Variants in TBC1D1 observed in about 807,000 individuals in gnomAD.
TBC1D1 encodes the protein TBC1 (tre-2/USP6, BUB2, cdc16) domain family, member 1.
TBC1D1 carries 89 observed loss-of-function variants against 125.6 expected under a neutral mutation model. The ratio of observed to expected loss-of-function variants is 0.71; its 90% confidence interval spans 0.60 to 0.85. TBC1D1 has a LOEUF of 0.85. Ranked by LOEUF, TBC1D1 falls within the 40% of genes least tolerant of loss-of-function variation. TBC1D1 has a pLI of 0.00. For synonymous variants in TBC1D1, 565 were observed against 564.1 expected, an observed-to-expected ratio of 1.00 and a Z score of -0.02; for missense variants, 1,377 against 1,469.2, an observed-to-expected ratio of 0.94 and a Z score of 1.03.
At chr4:38,088,610 C>T (rs1237615655) in intron 12 of TBC1D1, among the ~76,000 whole-genome samples, 1 of 151,914 alleles carries the variant, frequency 6.6e-6, no homozygotes, top group African/African-American at 2.4e-5. Context: ...TTTCTGTGCC[C>T]CTAGTAAAGA....
intron 1 of TBC1D1, among the ~76,000 whole-genome samples, chr4:37,896,178 G>C (rs1714553822): frequency 6.6e-6 from 1 of 152,106 alleles, no homozygotes; most frequent in African/African-American, 2.4e-5. Flanking sequence ...TAGAGCTAGA[G>C]GCCACTAGCA....
At chr4:38,063,173 G>A (rs1753079281) in intron 12 of TBC1D1, among the ~76,000 whole-genome samples, 1 of 152,192 alleles carries the variant, frequency 6.6e-6, no homozygotes. Context: ...ATTTCCAGGT[G>A]GATAGAATTT....
At chr4:37,901,402 C>G (rs971564789) in intron 1 of TBC1D1, among the ~76,000 whole-genome samples, 6 of 152,130 alleles carry the variant, frequency 3.9e-5, no homozygotes, top group African/African-American at 1.2e-4. Context: ...GGTGATCCAC[C>G]TATCTTGGCC....
chr4:38,085,428 G>C (rs181893059), intron 12 of TBC1D1, among the ~76,000 whole-genome samples: 1 of 152,304 alleles, frequency 6.6e-6, no homozygotes, highest in Admixed American at 6.5e-5. Context: ...TGGCTTTGCC[G>C]ACTTTATAAA....
chr4:38,093,650 G>C (rs545141726), intron 13 of TBC1D1, among the ~76,000 whole-genome samples: 5 of 146,200 alleles, frequency 3.4e-5, no homozygotes, highest in African/African-American at 1.2e-4. Context: ...TTAGCCTCCA[G>C]AGTAGATTAC....
chr4:38,102,407 G>A lies in TBC1D1; in HGVS notation c.2399-592G>A, dbSNP rs10001208. On this transcript the variant is annotated intron_variant, in intron 14 of 19. Transcript: ENST00000261439. ...TTGGCACCAGGTTGGAGCTCAGGTC[G>A]TATTCTTTATTCCTTGCAGAGTCTG... Among the ~76,000 whole-genome samples the A allele has an allele frequency of 9.8e-3, 1,488 of 152,012 alleles. 21 individuals carry two copies. The highest frequency in any genetic ancestry group is 0.034 in the African/African-American group (1,425 of 41,420).
At chr4:38,041,502 C>G (rs1004335861) in intron 8 of TBC1D1, among the ~76,000 whole-genome samples, 7 of 151,898 alleles carry the variant, frequency 4.6e-5, no homozygotes, top group Non-Finnish European at 4.4e-5. Flanking sequence ...ATAAGGAGCT[C>G]TATATAAGAG....
rs761937500 is a variant in TBC1D1 at position 38,137,369 on chromosome 4, CACTGTCCAGGCCTTA to C, written c.*39_*53del. On this transcript the variant is annotated 3_prime_UTR_variant, in exon 20 of 20. Transcript: ENST00000261439. ...CAGGAGAGATTGCAACACCATCCCA[CACTGTCCAGGCCTTA>C]ACTGAGAGGGACAGAAGACGCTGGA... 5 of 1,597,344 alleles carry C rather than the reference CACTGTCCAGGCCTTA, an allele frequency of 3.1e-6. No individual in the cohort carries two copies. In the Admixed American group the frequency reaches 8.5e-5, roughly 27 times the overall value.
intron 18 of TBC1D1, among the ~76,000 whole-genome samples, chr4:38,127,818 T>C (rs1764908676): frequency 6.6e-6 from 1 of 152,160 alleles, no homozygotes; most frequent in Non-Finnish European, 1.5e-5. Flanking sequence ...AGGTTGGAGC[T>C]GAGGTGTTTG....
chr4:37,925,784 A>G (rs566148583), intron 2 of TBC1D1, among the ~76,000 whole-genome samples: 2 of 152,168 alleles, frequency 1.3e-5, no homozygotes, highest in East Asian at 3.9e-4. Context: ...AAACCACCCT[A>G]TAATCATGCC....
intron 2 of TBC1D1, among the ~76,000 whole-genome samples, chr4:37,942,223 T>C (rs536615042): frequency 4.1e-4 from 62 of 152,358 alleles, no homozygotes; most frequent in African/African-American, 1.4e-3. Context: ...TGGCTGCATA[T>C]ATATTTAGGA....
At position 38,027,824 on chromosome 4, in the gene TBC1D1, A is replaced by C; in HGVS notation, c.1247A>C (p.Lys416Thr). ...TCCAAAACAAAACTAGAACTGCAAAAGCACCTGACGACATTAACCAATCAG... is the reference window on the plus strand; with the variant it reads ...TCCAAAACAAAACTAGAACTGCAAACGCACCTGACGACATTAACCAATCAG... Residue 416 changes from lysine to threonine, a missense_variant, in exon 7 of 20, where the codon AAG becomes ACG. By Grantham distance (78) the Lys-to-Thr change is moderately conservative. Around this residue, in one of 3 missense-constraint regions of TBC1D1, gnomAD observed 822 missense variants for 824.6 expected, o/e 1.00. Coordinates refer to ENST00000261439, the MANE Select transcript of TBC1D1 (RefSeq NM_015173.4). The C allele has an allele frequency of 6.2e-7, 1 of 1,613,682 alleles. No individual in the cohort carries two copies. The highest frequency in any genetic ancestry group is 1.1e-5 in the South Asian group (1 of 91,002).
intron 2 of TBC1D1, among the ~76,000 whole-genome samples, chr4:37,971,600 G>C (rs1404034057): frequency 6.6e-6 from 1 of 152,158 alleles, no homozygotes. Flanking sequence ...TGGGGACACA[G>C]CCAAACCATA....
Position 38,018,426 on chromosome 4 carries a change from A to C in TBC1D1, c.955A>C (p.Ile319Leu). 6.2e-7 allele frequency: 1 copy of C among 1,610,276 alleles called. No homozygotes were observed. The highest frequency in any genetic ancestry group is 8.5e-7 in the Non-Finnish European group (1 of 1,177,934). ...AGCATTGGAGAAAAATTTTAAGGAG[A>C]TATCCTTTTGCTCTCAGGTAAATGG... The change falls in exon 4 of 20, where the codon ATA (isoleucine) becomes CTA (leucine). Residue 319 changes from isoleucine to leucine, a missense_variant. By Grantham distance (5) the Ile-to-Leu change is conservative. This residue lies in a region of TBC1D1 where 822 missense variants were observed against 824.6 expected (regional missense o/e 1.00). Transcript: ENST00000261439.
At chr4:38,046,016 G>GC in intron 10 of TBC1D1, 113 bp downstream of exon 10, 1 of 916,270 alleles carries the variant, frequency 1.1e-6, no homozygotes, top group Non-Finnish European at 1.8e-6. Flanking sequence ...AAATTTCTTG[G>GC]CACAGGTGGA....
chr4:37,934,092 A>C (rs1723879550), intron 2 of TBC1D1, among the ~76,000 whole-genome samples: 1 of 152,190 alleles, frequency 6.6e-6, no homozygotes, highest in African/African-American at 2.4e-5. Flanking sequence ...ACTGACTGGG[A>C]GACAGCTAAT....
Position 38,137,403 on chromosome 4 carries a change from C to A in TBC1D1, c.*68C>A. On this transcript the variant is annotated 3_prime_UTR_variant, in exon 20 of 20. Transcript: ENST00000261439. ...GGCCTTAACTGAGAGGGACAGAAGA[C>A]GCTGGAAGGAGAGAAGGAAGCGGGA... 7.3e-7 allele frequency: 1 copy of A among 1,367,722 alleles called. No homozygotes were observed. The highest frequency in any genetic ancestry group is 9.5e-7 in the Non-Finnish European group (1 of 1,054,498). The allele number at this position is 1,367,722 out of a possible 1,614,324, so 84.7% of individuals were successfully genotyped here. A position where few individuals can be genotyped will look rare whatever the true frequency, so the allele number is the denominator to read the frequency against.
intron 2 of TBC1D1, among the ~76,000 whole-genome samples, chr4:37,992,093 G>T (rs547476598): frequency 1.3e-5 from 2 of 152,328 alleles, no homozygotes; most frequent in South Asian, 4.1e-4. Flanking sequence ...GACTGTGTTT[G>T]TTCTGGTAGG....
intron 2 of TBC1D1, chr4:37,960,734 A>T (rs1729846896): frequency 6.2e-7 from 1 of 1,614,094 alleles, no homozygotes; most frequent in Admixed American, 1.7e-5. Context: ...CTGTTAAAAC[A>T]AAAAGTTCTG....
Sources: gnomAD v4.1 joint callset for allele counts (sites outside exome capture counted in the v4.1 genomes callset) on GRCh38, gnomAD v4.1.1 for gene constraint, gnomAD v4.1.1 regional missense constraint, MANE v1.5 for transcripts, NCBI Gene and HGNC (gene_info 2026-07-23, HGNC 2026-07-21) for gene names.